The following GOLGA6L7 variants were observed in gnomAD, a reference collection of about 807,000 sequenced individuals.
GOLGA6L7 encodes the protein golgin subfamily A member 6-like protein 7.
Under a neutral mutation model 68.9 loss-of-function variants are expected in GOLGA6L7, and 29 were observed. That is an observed-to-expected ratio of 0.42 (90% CI 0.31 to 0.57). The LOEUF (loss-of-function observed/expected upper bound fraction) is 0.57, where lower values mean the gene tolerates loss of function less well. Ranked by LOEUF, GOLGA6L7 falls within the 20% of genes least tolerant of loss-of-function variation. The pLI, the probability that GOLGA6L7 is intolerant of heterozygous loss-of-function variation, is 0.13. For missense variants in GOLGA6L7, 396 were observed against 588.4 expected (o/e 0.67, Z 3.38); for synonymous variants, 133 against 197.4 (o/e 0.67, Z 2.73).
In GOLGA6L7 at chr15:28,842,347, T is replaced by C; in HGVS notation, c.1757A>G (p.Gln586Arg). 1 of 1,231,182 alleles carries C rather than the reference T, an allele frequency of 8.1e-7. No individual in the cohort carries two copies. Among genetic ancestry groups the C allele is most frequent in the Non-Finnish European group, 1.0e-6 (1 of 985,654 alleles). 76.3% of individuals were successfully genotyped at this position (1,231,182 alleles called of 1,614,324 possible). Reference protein sequence around the residue: ...SHDNRTAQIMQLPPGMKNAQE... With the variant: ...SHDNRTAQIMRLPPGMKNAQE... ...GGCGTTCTTCATTCCAGGGGGCAGC[T>C]GCATGATCTGTGCAGTGCGGTTGTC... is the stretch of plus-strand genomic sequence containing the variant. The change falls in exon 9 of 9, where the codon CAG becomes CGG. Residue 586 changes from glutamine (Q) to arginine (R), a missense_variant. This residue lies in a region of GOLGA6L7 where 125 missense variants were observed against 163.3 expected (regional missense o/e 0.77). Transcript: ENST00000567390.
chr15:28,845,444 T>A (rs1333416216), intron 6 of GOLGA6L7, 85 bp downstream of exon 6: 1 of 700,390 alleles, frequency 1.4e-6, no homozygotes, highest in Non-Finnish European at 2.6e-6. Flanking sequence ...GGCAGGACAC[T>A]GCATCCTGCA....
chr15:28,847,633 A>G (rs895225007), intron 1 of GOLGA6L7, among the ~76,000 whole-genome samples: 9 of 152,280 alleles, frequency 5.9e-5, no homozygotes, highest in African/African-American at 2.2e-4. Flanking sequence ...ATACTCTTTG[A>G]AATCTATGTG....
rs915286715 is a variant in GOLGA6L7, at chr15:28,848,484, T to G, written c.51+15A>C. 1.3e-5 allele frequency: 9 copies of G among 688,124 alleles called. No homozygotes were observed. Among genetic ancestry groups the G allele is most frequent in the Non-Finnish European group, 2.1e-5 (8 of 376,814 alleles). The allele number at this position is 688,124 out of a possible 1,614,324, so 42.6% of individuals were successfully genotyped here. A position where few individuals can be genotyped will look rare whatever the true frequency, so the allele number is the denominator to read the frequency against. On this transcript the variant is annotated intron_variant, in intron 1 of 8. Transcript: ENST00000567390. Reference sequence around the variant, plus strand: ...CTGGGTTGGGGTTGGGGTGCTGCAATCCGATGCGTTTTACCTTTTTCTTGG... The same window carrying G: ...CTGGGTTGGGGTTGGGGTGCTGCAAGCCGATGCGTTTTACCTTTTTCTTGG...
intron 6 of GOLGA6L7, chr15:28,845,119 C>T (rs1255104161): frequency 4.6e-5 from 14 of 306,722 alleles, no homozygotes; most frequent in Non-Finnish European, 6.3e-5. Flanking sequence ...TACCATAATA[C>T]GTACGTACAC....
At position 28,842,045 on chromosome 15, in the gene GOLGA6L7, G is replaced by A. The variant is rs1410804201; in HGVS notation, c.*190C>T. 8 of 357,496 alleles carry A rather than the reference G, an allele frequency of 2.2e-5. No homozygotes were observed. Among genetic ancestry groups the A allele is most frequent in the African/African-American group, 6.4e-5 (3 of 47,184 alleles). 22.1% of individuals were successfully genotyped at this position (357,496 alleles called of 1,614,324 possible). A position where few individuals can be genotyped will look rare whatever the true frequency, so the allele number is the denominator to read the frequency against. On this transcript the variant is annotated 3_prime_UTR_variant, in exon 9 of 9. Coordinates refer to ENST00000567390, the MANE Select transcript of GOLGA6L7 (RefSeq NM_001365371.2). ...GCTCACTGCAACCTCAACCTCCCAC[G>A]TAGCTGGGATTGGTGATCCACCCGC...
rs181378363 is a variant in GOLGA6L7, at chr15:28,842,274, G to A, written c.1830C>T (p.Tyr610=). ...TCTTGATCTTTTTCTTGTCTCCTCCGTAGAAGAATGGGATGCAGGAGGTGC... is the reference window on the plus strand; with the variant it reads ...TCTTGATCTTTTTCTTGTCTCCTCCATAGAAGAATGGGATGCAGGAGGTGC... ...LGSTSCIPFF[Y]GGDKKKIKII... is the part of the protein sequence containing the mutation. The change falls in exon 9 of 9, where the codon TAC becomes TAT. Residue 610 remains tyrosine (Y), a synonymous_variant. Transcript: ENST00000567390. 45 of 1,229,098 alleles carry A rather than the reference G, an allele frequency of 3.7e-5. No individual in the cohort carries two copies. Among genetic ancestry groups the A allele is most frequent in the Admixed American group, 2.5e-4 (6 of 23,704 alleles). 76.1% of individuals were successfully genotyped at this position (1,229,098 alleles called of 1,614,324 possible).
intron 6 of GOLGA6L7, among the ~76,000 whole-genome samples, chr15:28,844,631 A>G (rs2002196): frequency 0.11 from 16,253 of 151,044 alleles, 938 homozygotes; most frequent in East Asian, 0.12. Context: ...TAAGGGTGGA[A>G]GGCACAGAGA....
At position 28,842,401 on chromosome 15, in the gene GOLGA6L7, GCAGGCTC is replaced by G. The variant is rs1486841871; in HGVS notation, c.1696_1702del (p.Glu566HisfsTer24). 8.3e-7 allele frequency: 1 copy of G among 1,209,904 alleles called. No individual in the cohort carries two copies. The highest frequency in any genetic ancestry group is 1.6e-5 in the African/African-American group (1 of 63,712). The allele number at this position is 1,209,904 out of a possible 1,614,324, so 74.9% of individuals were successfully genotyped here. On this transcript the variant is annotated frameshift_variant, in exon 9 of 9. Transcript: ENST00000567390. LOFTEE classifies it high-confidence loss of function. ...GGAATAACCCTTCCCGGCCTCTCGT[GCAGGCTC>G]CAGGCTGCCAGGGTGGCTCATATCA...
Position 28,845,347 on chromosome 15 carries a change from A to G in GOLGA6L7, c.462+182T>C, listed in dbSNP as rs570739924. On this transcript the variant is annotated intron_variant, in intron 6 of 8. Coordinates refer to ENST00000567390, the MANE Select transcript of GOLGA6L7 (RefSeq NM_001365371.2). ...GTGCTCGCTCCCCACAGCGCCCCGC[A>G]ACTCACCCACAGCAGCTGACTCAGC... The G allele has an allele frequency of 2.0e-3, 1,367 of 688,394 alleles. 12 individuals are homozygous for G. Among genetic ancestry groups the G allele is most frequent in the African/African-American group, 0.017 (977 of 57,020 alleles). The allele number at this position is 688,394 out of a possible 1,614,324, so 42.6% of individuals were successfully genotyped here. A position where few individuals can be genotyped will look rare whatever the true frequency, so the allele number is the denominator to read the frequency against.
In GOLGA6L7 at chr15:28,848,283, G is replaced by A. The variant is rs1248625526; in HGVS notation, c.51+216C>T. Reference sequence around the variant, plus strand: ...AAAGCAGGGAGCCCCACGAGTCACCGGCTGAAAGTCACCCTGGGGTGACCG... The same window carrying A: ...AAAGCAGGGAGCCCCACGAGTCACCAGCTGAAAGTCACCCTGGGGTGACCG... On this transcript the variant is annotated intron_variant, in intron 1 of 8. Transcript: ENST00000567390. Among the ~76,000 whole-genome samples, 6 of 152,008 alleles carry A rather than the reference G, an allele frequency of 3.9e-5. No individual in the cohort carries two copies. In the East Asian group the frequency reaches 1.2e-3, roughly 30 times the overall value.
intron 2 of GOLGA6L7, chr15:28,846,735 T>G (rs1595358037): frequency 2.9e-6 from 1 of 347,792 alleles, no homozygotes; most frequent in African/African-American, 2.7e-5. Context: ...CTCTACCTCC[T>G]CAGGAAACGG....
intron 6 of GOLGA6L7, chr15:28,845,126 A>G (rs2030369322): frequency 8.9e-5 from 2 of 22,362 alleles, no homozygotes; most frequent in East Asian, 7.4e-4. Context: ...ATACGTACGT[A>G]CACACACACA....
intron 8 of GOLGA6L7, 133 bp downstream of exon 8, chr15:28,843,601 A>T (rs571845862): frequency 2.9e-5 from 16 of 547,416 alleles, no homozygotes; most frequent in African/African-American, 2.1e-4. Context: ...ACTCTAGAGG[A>T]TTCTGTGGTG....
intron 7 of GOLGA6L7, among the ~76,000 whole-genome samples, 157 bp from the exon 8 acceptor site, chr15:28,844,032 G>A (rs1404521871): frequency 6.6e-6 from 1 of 152,054 alleles, no homozygotes; most frequent in Non-Finnish European, 1.5e-5. Context: ...GAGAAGACAT[G>A]AGTTGCCTGA....
In GOLGA6L7 at chr15:28,843,353, G is replaced by A. The variant is rs529344201; in HGVS notation, c.751C>T (p.Arg251Trp). 5.6e-3 allele frequency: 3,042 copies of A among 544,218 alleles called. 10 individuals carry two copies. The highest frequency in any genetic ancestry group is 0.012 in the South Asian group (122 of 9,900). The allele number at this position is 544,218 out of a possible 1,614,324, so 33.7% of individuals were successfully genotyped here. ...QEELRDQEKL[R>W]KHEEKMWRQE... The stretch of plus-strand genomic sequence containing the variant: ...CTCCACATCTTCTCCTCGTGCTTCC[G>A]TAGCTTCTCCTGATCCCGTAGCTCC... The change falls in exon 9 of 9, where the codon CGG becomes TGG. Residue 251 changes from arginine (R) to tryptophan (W), a missense_variant. Arg to Trp is a moderately radical substitution (Grantham distance 101). Coordinates refer to ENST00000567390, the MANE Select transcript of GOLGA6L7 (RefSeq NM_001365371.2).
chr15:28,844,437 T>C (rs1429748537), intron 6 of GOLGA6L7, among the ~76,000 whole-genome samples, 174 bp from the exon 7 acceptor site: 2 of 149,278 alleles, frequency 1.3e-5, no homozygotes, highest in Non-Finnish European at 3.0e-5. Context: ...TTTCTTTTTT[T>C]TTTTTTTTTT....
chr15:28,842,582 C>T lies in GOLGA6L7; in HGVS notation c.1522G>A (p.Asp508Asn). 7.8e-7 allele frequency: 1 copy of T among 1,284,262 alleles called. No homozygotes were observed. The highest frequency in any genetic ancestry group is 9.8e-7 in the Non-Finnish European group (1 of 1,019,564). 79.6% of individuals were successfully genotyped at this position (1,284,262 alleles called of 1,614,324 possible). Residue 508 changes from aspartate to asparagine, a missense_variant, in exon 9 of 9, where the codon GAT becomes AAT. By Grantham distance (23) the Asp-to-Asn change is conservative (BLOSUM62 1). This residue lies in a region of GOLGA6L7 where 125 missense variants were observed against 163.3 expected (regional missense o/e 0.77). Transcript: ENST00000567390. Reference sequence around the variant, plus strand: ...TCCTCCTGCATCTTCTCATACTCATCCCACAGCCTCTCCTCCTTGAATTGC... The same window carrying T: ...TCCTCCTGCATCTTCTCATACTCATTCCACAGCCTCTCCTCCTTGAATTGC... The part of the protein sequence containing the change: ...RLQFKEERLW[D>N]EYEKMQEEEE...
In GOLGA6L7 at chr15:28,841,949, ATTTT is replaced by A. The variant is rs200514876; in HGVS notation, c.*282_*285del. On this transcript the variant is annotated 3_prime_UTR_variant, in exon 9 of 9. Transcript: ENST00000567390. ...ATAGATATTAGAGTCCTCAGGTAGAATTTTTTTTTTTTTTTTTGAAATGGGAGTT... is the reference window on the plus strand; with the variant it reads ...ATAGATATTAGAGTCCTCAGGTAGAATTTTTTTTTTTTTGAAATGGGAGTT... 12 of 172,784 alleles carry A rather than the reference ATTTT, an allele frequency of 6.9e-5. No individual in the cohort carries two copies. The highest frequency in any genetic ancestry group is 1.3e-4 in the East Asian group (1 of 7,410). The allele number at this position is 172,784 out of a possible 1,614,324, so 10.7% of individuals were successfully genotyped here. A position where few individuals can be genotyped will look rare whatever the true frequency, so the allele number is the denominator to read the frequency against.
chr15:28,842,868 C>T lies in GOLGA6L7; in HGVS notation c.1236G>A (p.Gly412=), dbSNP rs189247517. The T allele has an allele frequency of 1.6e-4, 195 of 1,239,292 alleles. 13 individuals carry two copies. In the African/African-American group the frequency reaches 3.8e-3, roughly 24 times the overall value. The allele number at this position is 1,239,292 out of a possible 1,614,324, so 76.8% of individuals were successfully genotyped here. A position where few individuals can be genotyped will look rare whatever the true frequency, so the allele number is the denominator to read the frequency against. The change falls in exon 9 of 9, where the codon GGG becomes GGA. Residue 412 remains glycine, a synonymous_variant. Coordinates refer to ENST00000567390, the MANE Select transcript of GOLGA6L7 (RefSeq NM_001365371.2). ...GCTCCTCCTGCTTCCTCATCTGCTC[C>T]CCCATCTGCTCCTCCTGCTTCCACA... ...EQMWKQEEQM[G]EQMRKQEEQM... is the part of the protein sequence containing the mutation.
Sources: allele counts gnomAD v4.1 joint callset (sites outside exome capture counted in the v4.1 genomes callset), GRCh38; gene constraint gnomAD v4.1.1; regional missense constraint gnomAD v4.1.1; transcripts MANE v1.5; gene names NCBI Gene and HGNC (gene_info 2026-07-23, HGNC 2026-07-21).